The following TPD52L1 variants were observed in gnomAD, a reference collection of about 807,000 sequenced individuals.
TPD52L1 encodes tumor protein D53.
TPD52L1 carries 18 observed loss-of-function variants against 28.7 expected under a neutral mutation model. That is an observed-to-expected ratio of 0.63 (90% confidence interval 0.43 to 0.93). TPD52L1 has a LOEUF of 0.93. Among genes scored for constraint, TPD52L1 ranks in the 40% least tolerant of loss-of-function variants. TPD52L1 has a pLI of 0.00. For missense variants in TPD52L1, 203 were observed against 254.8 expected (o/e 0.80, Z 1.39); for synonymous variants, 75 against 88.8 (o/e 0.84, Z 0.88).
At chr6:125,259,700 C>A (rs1350186523) in intron 6 of TPD52L1, among the ~76,000 whole-genome samples, 2 of 152,128 alleles carry the variant, frequency 1.3e-5, no homozygotes, top group Non-Finnish European at 1.5e-5. Flanking sequence ...ATGGCCTGGA[C>A]CAAAACCTTA....
Position 125,200,361 on chromosome 6 carries a change from T to C in TPD52L1, c.20-19717T>C, listed in dbSNP as rs17052851. ...AAGAATCTATTTGAAATATTGGAAA[T>C]GTTTTCAGGAACTAGAGACAAAAGA... is the stretch of plus-strand genomic sequence containing the variant. On this transcript the variant is annotated intron_variant, in intron 1 of 6. Coordinates refer to ENST00000534000, the MANE Select transcript of TPD52L1 (RefSeq NM_003287.4). Among the ~76,000 whole-genome samples the C allele has an allele frequency of 7.1e-3, 1,084 of 152,336 alleles. 15 individuals are homozygous for C. The highest frequency in any genetic ancestry group is 0.025 in the African/African-American group (1,047 of 41,570).
At chr6:125,175,267 G>T (rs1791751109) in intron 1 of TPD52L1, among the ~76,000 whole-genome samples, 1 of 152,122 alleles carries the variant, frequency 6.6e-6, no homozygotes. Flanking sequence ...ATAAATGAAT[G>T]AATAGTATTG....
At chr6:125,172,099 CCTTT>C (rs549747240) in intron 1 of TPD52L1, among the ~76,000 whole-genome samples, 2,129 of 75,854 alleles carry the variant, frequency 0.028, 130 homozygotes, top group East Asian at 0.037. Context: ...TCTTTCTTTC[CCTTT>C]CTTTCTTTCT....
intron 1 of TPD52L1, among the ~76,000 whole-genome samples, chr6:125,180,598 A>T (rs920567386): frequency 1.3e-5 from 2 of 149,964 alleles, no homozygotes; most frequent in Non-Finnish European, 3.0e-5. Context: ...ACACACACTC[A>T]CACACACACA....
intron 1 of TPD52L1, among the ~76,000 whole-genome samples, chr6:125,216,829 G>T (rs1022621718): frequency 1.2e-4 from 18 of 151,930 alleles, no homozygotes. Flanking sequence ...TTACCGTGTT[G>T]GCAGTGACAT....
At position 125,186,895 on chromosome 6, in the gene TPD52L1, G is replaced by A. The variant is rs141201661; in HGVS notation, c.19+32925G>A. Reference sequence around the variant, plus strand: ...GAAAAATGAGATGATCAAGTACAACGTAGTAATTGGGGTGACTGTTTCAGC... The same window carrying A: ...GAAAAATGAGATGATCAAGTACAACATAGTAATTGGGGTGACTGTTTCAGC... On this transcript the variant is annotated intron_variant, in intron 1 of 6. Transcript: ENST00000534000. 4.1e-3 allele frequency among the ~76,000 whole-genome samples: 628 copies of A among 152,164 alleles called. 5 individuals carry two copies. The highest frequency in any genetic ancestry group is 0.015 in the African/African-American group (603 of 41,508).
intron 1 of TPD52L1, among the ~76,000 whole-genome samples, chr6:125,216,529 GTATATATATATATATATATATATATATA>G (rs56135453): frequency 5.8e-5 from 4 of 69,066 alleles, no homozygotes; most frequent in East Asian, 1.1e-3. Flanking sequence ...GTATGTGTGT[GTATATATATATATATATATATATATATA>G]TATATATATA....
chr6:125,237,171 C>T (rs935859239), intron 3 of TPD52L1, among the ~76,000 whole-genome samples: 10 of 152,072 alleles, frequency 6.6e-5, no homozygotes, highest in Non-Finnish European at 7.4e-5. Context: ...TGGCTTTTCA[C>T]CGTGAGTATT....
At chr6:125,190,482 G>A (rs989140660) in intron 1 of TPD52L1, among the ~76,000 whole-genome samples, 1 of 152,142 alleles carries the variant, frequency 6.6e-6, no homozygotes. Context: ...TTTCCTGGAA[G>A]ACAGTTTTTC....
chr6:125,194,903 A>G (rs1229073792), intron 1 of TPD52L1, among the ~76,000 whole-genome samples: 1 of 152,250 alleles, frequency 6.6e-6, no homozygotes, highest in Non-Finnish European at 1.5e-5. Flanking sequence ...AGTTTATTCA[A>G]GGGCAAAGTT....
At chr6:125,175,445 G>A (rs1219403080) in intron 1 of TPD52L1, among the ~76,000 whole-genome samples, 1 of 152,162 alleles carries the variant, frequency 6.6e-6, no homozygotes, top group Admixed American at 6.5e-5. Flanking sequence ...GGTATTAAAT[G>A]TTGTTCCCAA....
chr6:125,187,794 A>G (rs1017157532), intron 1 of TPD52L1, among the ~76,000 whole-genome samples: 1 of 152,330 alleles, frequency 6.6e-6, no homozygotes, highest in East Asian at 1.9e-4. Flanking sequence ...ACACACACAC[A>G]TTGCCAAAGA....
intron 5 of TPD52L1, 50 bp downstream of exon 5, chr6:125,253,805 G>T: frequency 6.6e-7 from 1 of 1,512,664 alleles, no homozygotes. Flanking sequence ...ATGTGTTTAA[G>T]GTGTTATTTT....
chr6:125,172,510 TGCTATATATATATA>T (rs1791480949), intron 1 of TPD52L1, among the ~76,000 whole-genome samples: 1 of 32,860 alleles, frequency 3.0e-5, no homozygotes, highest in Admixed American at 4.4e-4. Flanking sequence ...CCCTCTTTCA[TGCTATATATATATA>T]TATATATATA....
intron 6 of TPD52L1, chr6:125,262,073 G>A (rs1242795832): frequency 6.6e-6 from 1 of 152,208 alleles, no homozygotes; most frequent in Admixed American, 6.5e-5. Context: ...AACAAAAGGA[G>A]GAAAGCCCCT....
intron 3 of TPD52L1, among the ~76,000 whole-genome samples, chr6:125,229,872 G>A (rs780766773): frequency 1.8e-4 from 27 of 152,092 alleles, no homozygotes; most frequent in Non-Finnish European, 3.4e-4. Flanking sequence ...GGATCACAAG[G>A]TCAGGAGATC....
intron 3 of TPD52L1, among the ~76,000 whole-genome samples, chr6:125,230,467 T>C (rs1795884385): frequency 1.3e-5 from 2 of 152,162 alleles, no homozygotes. Flanking sequence ...AAGGTAAAGA[T>C]ATTGCATTCC....
intron 1 of TPD52L1, among the ~76,000 whole-genome samples, chr6:125,212,619 T>C (rs1190106733): frequency 6.6e-6 from 1 of 152,218 alleles, no homozygotes; most frequent in East Asian, 1.9e-4. Context: ...AGATTTTGCC[T>C]ACATTCTTCA....
chr6:125,184,923 T>A (rs1427663906), intron 1 of TPD52L1, among the ~76,000 whole-genome samples: 1 of 151,970 alleles, frequency 6.6e-6, no homozygotes, highest in Non-Finnish European at 1.5e-5. Context: ...TAAAGAAAGA[T>A]TAGGAATGTG....
Sources: allele counts gnomAD v4.1 joint callset (sites outside exome capture counted in the v4.1 genomes callset), GRCh38; gene constraint gnomAD v4.1.1; transcripts MANE v1.5; gene names NCBI Gene and HGNC (gene_info 2026-07-23, HGNC 2026-07-21).